CUX2: variants seen among roughly 807,000 people sequenced by gnomAD.
The protein encoded by CUX2 is homeobox protein cut-like 2.
Under a neutral mutation model 144.8 loss-of-function variants are expected in CUX2, and 40 were observed. The observed-to-expected ratio is 0.28, with a 90% CI of 0.21 to 0.36. CUX2 has a LOEUF of 0.36. CUX2 is among the 10% of genes least tolerant of loss of function. The probability of loss-of-function intolerance (pLI) is 1.00; values close to 1 mark genes in which losing one functional copy is unlikely to be tolerated. For missense variants in CUX2, 1,615 were observed against 1,994.0 expected (o/e 0.81, Z 3.62); for synonymous variants, 827 against 875.6 (o/e 0.94, Z 0.98).
intron 1 of CUX2, among the ~76,000 whole-genome samples, chr12:111,210,651 G>A (rs566494246): frequency 7.9e-5 from 12 of 152,212 alleles, no homozygotes; most frequent in African/African-American, 2.4e-4. Flanking sequence ...GCAAAAATTA[G>A]CTAGGCATGA....
chr12:111,319,201 C>T (rs894084108), intron 16 of CUX2, among the ~76,000 whole-genome samples: 1 of 151,992 alleles, frequency 6.6e-6, no homozygotes, highest in Non-Finnish European at 1.5e-5. Flanking sequence ...GTAGTCCCAG[C>T]ACTTTGGGAG....
At chr12:111,331,473 G>C (rs1215522433) in intron 18 of CUX2, among the ~76,000 whole-genome samples, 2 of 152,102 alleles carry the variant, frequency 1.3e-5, no homozygotes, top group Non-Finnish European at 2.9e-5. Context: ...CCCATTAGGG[G>C]TGCCTCCCTG....
At chr12:111,106,592 G>T (rs1410262858) in intron 1 of CUX2, among the ~76,000 whole-genome samples, 1 of 152,190 alleles carries the variant, frequency 6.6e-6, no homozygotes, top group African/African-American at 2.4e-5. Context: ...CACCATATCT[G>T]GCCTAATAAT....
Position 111,295,476 on chromosome 12 carries a change from G to A in CUX2, c.637+67G>A. The stretch of plus-strand genomic sequence containing the variant: ...GGGACGGTAATGCTGTCAACGAGGG[G>A]TCACGGCTTGGGGTCTGCCACATCC... On this transcript the variant is annotated intron_variant, in intron 7 of 21. Transcript: ENST00000261726. The surrounding 1 kb of genome is among the most constrained non-coding windows in gnomAD (Gnocchi z 5.0). 7.1e-7 allele frequency: 1 copy of A among 1,409,622 alleles called. No individual in the cohort carries two copies. Among genetic ancestry groups the A allele is most frequent in the South Asian group, 1.3e-5 (1 of 78,358 alleles). 87.3% of individuals were successfully genotyped at this position (1,409,622 alleles called of 1,614,324 possible).
At position 111,308,434 on chromosome 12, in the gene CUX2, C is replaced by T; in HGVS notation, c.1166C>T (p.Ala389Val). ...SSTCSLPQGM[A>V]KPEDSLLIAK... Reference sequence around the variant, plus strand: ...CTGCCTCTTGTCTCCTAGGGCATGGCCAAGCCTGAAGACTCACTGCTTATT... The same window carrying T: ...CTGCCTCTTGTCTCCTAGGGCATGGTCAAGCCTGAAGACTCACTGCTTATT... The change falls in exon 14 of 22, where the codon GCC becomes GTC. Residue 389 changes from alanine to valine, a missense_variant. Physicochemically the swap from Ala to Val is moderately conservative, Grantham distance 64 (BLOSUM62 0). Transcript: ENST00000261726. 6.2e-7 allele frequency: 1 copy of T among 1,614,154 alleles called. No individual in the cohort carries two copies. Among genetic ancestry groups the T allele is most frequent in the Non-Finnish European group, 8.5e-7 (1 of 1,180,002 alleles).
At chr12:111,347,377 G>A (rs964991642) in intron 21 of CUX2, 147 bp from the exon 22 acceptor site, 1 of 704,460 alleles carries the variant, frequency 1.4e-6, no homozygotes. Flanking sequence ...TTGTTGAGAA[G>A]ACTTAATAAG....
chr12:111,335,266 G>A (rs572239433), intron 19 of CUX2, among the ~76,000 whole-genome samples: 1 of 151,818 alleles, frequency 6.6e-6, no homozygotes, highest in Non-Finnish European at 1.5e-5. Flanking sequence ...GGTGGCACAT[G>A]CCTGTAGTCC....
chr12:111,111,880 T>G (rs1873988737), intron 1 of CUX2, among the ~76,000 whole-genome samples: 1 of 152,176 alleles, frequency 6.6e-6, no homozygotes, highest in Non-Finnish European at 1.5e-5. Flanking sequence ...AGCTTTGAAC[T>G]TGCAGAAGCC....
At chr12:111,233,521 C>T (rs773384521) in intron 3 of CUX2, among the ~76,000 whole-genome samples, 6 of 152,148 alleles carry the variant, frequency 3.9e-5, no homozygotes, top group Middle Eastern at 6.8e-3. Context: ...ATCCTACGGC[C>T]CAGAACTGAG....
intron 1 of CUX2, among the ~76,000 whole-genome samples, chr12:111,045,522 A>T (rs1592846077): frequency 6.6e-6 from 1 of 152,312 alleles, no homozygotes; most frequent in Non-Finnish European, 1.5e-5. Context: ...CTCCATATAG[A>T]CACTTGGCCT....
At chr12:111,252,704 T>C (rs1333637305) in intron 3 of CUX2, among the ~76,000 whole-genome samples, 1 of 151,706 alleles carries the variant, frequency 6.6e-6, no homozygotes, top group African/African-American at 2.4e-5. Context: ...TTGCCCACTC[T>C]GTGCCCAGCC....
rs927204721 is a variant in CUX2, at chr12:111,348,935, T to TA, written c.*615dup. 3.7e-4 allele frequency: 57 copies of TA among 152,764 alleles called. No individual in the cohort carries two copies. The highest frequency in any genetic ancestry group is 1.4e-3 in the African/African-American group (57 of 41,564). 9.5% of individuals were successfully genotyped at this position (152,764 alleles called of 1,614,324 possible). On this transcript the variant is annotated 3_prime_UTR_variant, in exon 22 of 22. Coordinates refer to ENST00000261726, the MANE Select transcript of CUX2 (RefSeq NM_015267.4). ...GCTACTGCCCTTCCAGAAACTGTGCTAAAAAGAGAAAGTCCAAAAGACTCT... is the reference window on the plus strand; with the variant it reads ...GCTACTGCCCTTCCAGAAACTGTGCTAAAAAAGAGAAAGTCCAAAAGACTCT...
chr12:111,079,601 T>C (rs1346547722), intron 1 of CUX2, among the ~76,000 whole-genome samples: 1 of 152,182 alleles, frequency 6.6e-6, no homozygotes, highest in Non-Finnish European at 1.5e-5. Flanking sequence ...AGCAAGATTT[T>C]TCCTGGCACG....
rs1311174359 is a variant in CUX2, at chr12:111,347,926, C to T, written c.4062C>T (p.Ser1354=). 6.2e-7 allele frequency: 1 copy of T among 1,614,136 alleles called. No homozygotes were observed. Among genetic ancestry groups the T allele is most frequent in the Non-Finnish European group, 8.5e-7 (1 of 1,180,022 alleles). ...VAPGPLLPGG[S]TPDCPSLHPQ... is the part of the protein sequence containing the mutation. The stretch of plus-strand genomic sequence containing the variant: ...CCGGGCCCCTCCTTCCAGGTGGATC[C>T]ACCCCAGACTGTCCCTCACTTCATC... The change falls in exon 22 of 22, where the codon TCC becomes TCT. Residue 1354 remains serine, a synonymous_variant. Coordinates refer to ENST00000261726, the MANE Select transcript of CUX2 (RefSeq NM_015267.4).
intron 1 of CUX2, among the ~76,000 whole-genome samples, chr12:111,154,420 G>A (rs925967473): frequency 1.3e-5 from 2 of 152,120 alleles, no homozygotes; most frequent in Non-Finnish European, 1.5e-5. Context: ...CCCTCAGCCT[G>A]GCGCCACGAT....
intron 18 of CUX2, among the ~76,000 whole-genome samples, chr12:111,330,737 AT>A (rs1888084724): frequency 1.2e-5 from 1 of 85,658 alleles, no homozygotes; most frequent in Non-Finnish European, 2.4e-5. Context: ...ATATATATAT[AT>A]ATATATATAT....
At chr12:111,331,823 A>T (rs1441972919) in intron 18 of CUX2, among the ~76,000 whole-genome samples, 3 of 152,080 alleles carry the variant, frequency 2.0e-5, no homozygotes, top group African/African-American at 7.2e-5. Context: ...TCAAGCCTGT[A>T]ATCCCAGTAC....
chr12:111,096,194 G>T (rs1872805686), intron 1 of CUX2, among the ~76,000 whole-genome samples: 2 of 152,150 alleles, frequency 1.3e-5, no homozygotes, highest in African/African-American at 4.8e-5. Context: ...ACCAGAGTCT[G>T]GTCCGCATTC....
At chr12:111,243,945 A>G (rs1416120321) in intron 3 of CUX2, among the ~76,000 whole-genome samples, 1 of 152,162 alleles carries the variant, frequency 6.6e-6, no homozygotes, top group East Asian at 1.9e-4. Flanking sequence ...TGACCAGAAC[A>G]GTTTTTCCTA....
Sources: gnomAD v4.1 joint callset for allele counts (sites outside exome capture counted in the v4.1 genomes callset) on GRCh38, gnomAD v4.1.1 for gene constraint, Gnocchi (gnomAD v3.1) non-coding constraint, MANE v1.5 for transcripts, NCBI Gene and HGNC (gene_info 2026-07-23, HGNC 2026-07-21) for gene names.